Variants in LSM11 observed in about 807,000 individuals in gnomAD.
The protein encoded by LSM11 is LSM11, U7 small nuclear RNA associated.
LSM11 carries 14 observed loss-of-function variants against 28.1 expected under a neutral mutation model. That is an observed-to-expected ratio of 0.50 (90% CI 0.33 to 0.78). LSM11 has a LOEUF of 0.78. LSM11 is among the 30% of genes least tolerant of loss of function. LSM11 has a pLI of 0.02. For missense variants in LSM11, 495 were observed against 510.6 expected, an observed-to-expected ratio of 0.97 and a Z score of 0.30; for synonymous variants, 207 against 214.2, an observed-to-expected ratio of 0.97 and a Z score of 0.30.
At position 157,755,398 on chromosome 5, in the gene LSM11, T is replaced by C; in HGVS notation, c.*134T>C. ...TGCATATGCAGAGGACGGAGCAGGC[T>C]CAGCCCCCTGGAAGATGAGCTCAAG... is the stretch of plus-strand genomic sequence containing the variant. On this transcript the variant is annotated 3_prime_UTR_variant, in exon 4 of 4. Transcript: ENST00000286307. The C allele has an allele frequency of 2.0e-6, 2 of 1,012,588 alleles. No individual in the cohort carries two copies. Among genetic ancestry groups the C allele is most frequent in the South Asian group, 1.7e-5 (1 of 59,562 alleles). The allele number at this position is 1,012,588 out of a possible 1,614,324, so 62.7% of individuals were successfully genotyped here.
intron 1 of LSM11, among the ~76,000 whole-genome samples, chr5:157,751,073 C>T (rs1302643841): frequency 3.3e-5 from 5 of 152,162 alleles, no homozygotes; most frequent in Admixed American, 6.5e-5. Flanking sequence ...TGAGCCACCA[C>T]GCCCGGCCAA....
rs1488202004 is a variant in LSM11, at chr5:157,758,828, A to G, written c.*3564A>G. 1 of 152,246 alleles carries G rather than the reference A, an allele frequency of 6.6e-6. No homozygotes were observed. Among genetic ancestry groups the G allele is most frequent in the South Asian group, 2.1e-4 (1 of 4,830 alleles). 9.4% of individuals were successfully genotyped at this position (152,246 alleles called of 1,614,324 possible). ...TAGTTGGTGAGGTCTTCTCAAAAGT[A>G]TCTACCTTTGTTAGATAATAACAAG... On this transcript the variant is annotated 3_prime_UTR_variant, in exon 4 of 4. Transcript: ENST00000286307.
rs1761330639 is a variant in LSM11, at chr5:157,756,499, G to GA, written c.*1235_*1236insA. On this transcript the variant is annotated 3_prime_UTR_variant, in exon 4 of 4. Coordinates refer to ENST00000286307, the MANE Select transcript of LSM11 (RefSeq NM_173491.4). ...TTATCTGAGATAACTTATGTTCAAG[G>GA]TGAGAATAAGAAATAGCCAACTAGT... is the stretch of plus-strand genomic sequence containing the variant. 6.6e-6 allele frequency: 1 copy of GA among 152,494 alleles called. No individual in the cohort carries two copies. The allele number at this position is 152,494 out of a possible 1,614,324, so 9.4% of individuals were successfully genotyped here. A position where few individuals can be genotyped will look rare whatever the true frequency, so the allele number is the denominator to read the frequency against.
At chr5:157,746,589 G>A (rs1252366774) in intron 1 of LSM11, among the ~76,000 whole-genome samples, 1 of 152,188 alleles carries the variant, frequency 6.6e-6, no homozygotes, top group African/African-American at 2.4e-5. Flanking sequence ...TTGTGGAGCA[G>A]TTGTATTCTT....
At position 157,754,936 on chromosome 5, in the gene LSM11, G is replaced by C. The variant is rs749102100; in HGVS notation, c.755G>C (p.Arg252Thr). The C allele has an allele frequency of 2.5e-6, 4 of 1,613,922 alleles. No individual in the cohort carries two copies. The South Asian group carries it at 3.3e-5, about 13-fold the overall frequency. The change falls in exon 4 of 4, where the codon AGA becomes ACA. Residue 252 changes from arginine (R) to threonine (T), a missense_variant. Physicochemically the swap from Arg to Thr is moderately conservative, Grantham distance 71 (BLOSUM62 -1). Coordinates refer to ENST00000286307, the MANE Select transcript of LSM11 (RefSeq NM_173491.4). Reference protein sequence around the residue: ...KSAVEDSTLSRYSQTSTWKLA... With the variant: ...KSAVEDSTLSTYSQTSTWKLA... ...GCAGTTGAAGATTCCACTCTGTCTA[G>C]ATACTCACAGACATCCACTTGGAAG...
chr5:157,744,049 C>G lies in LSM11; in HGVS notation c.299C>G (p.Pro100Arg). 1 of 1,435,956 alleles carries G rather than the reference C, an allele frequency of 7.0e-7. No individual in the cohort carries two copies. Among genetic ancestry groups the G allele is most frequent in the Non-Finnish European group, 9.1e-7 (1 of 1,094,184 alleles). The allele number at this position is 1,435,956 out of a possible 1,614,324, so 89.0% of individuals were successfully genotyped here. Residue 100 changes from proline (P) to arginine (R), a missense_variant, in exon 1 of 4, where the codon CCG becomes CGG. Physicochemically the swap from Pro to Arg is moderately radical, Grantham distance 103. Transcript: ENST00000286307. ...PGPSGRTRRR[P>R]DAPAPDPERI... Reference sequence around the variant, plus strand: ...CCCTCGGGCAGGACTCGTCGCCGCCCGGACGCGCCCGCCCCGGACCCCGAG... The same window carrying G: ...CCCTCGGGCAGGACTCGTCGCCGCCGGGACGCGCCCGCCCCGGACCCCGAG...
At chr5:157,752,288 C>T (rs1581451915) in intron 2 of LSM11, among the ~76,000 whole-genome samples, 1 of 151,636 alleles carries the variant, frequency 6.6e-6, no homozygotes, top group Non-Finnish European at 1.5e-5. Flanking sequence ...TGCCACCATG[C>T]CCAGCTGATT....
At chr5:157,754,808 T>C (rs1462523250) in intron 3 of LSM11, 46 bp from the exon 4 acceptor site, 1 of 1,534,362 alleles carries the variant, frequency 6.5e-7, no homozygotes, top group Non-Finnish European at 8.8e-7. Context: ...AAGAGGGTGA[T>C]GAAGGCTAAA....
chr5:157,745,955 T>G (rs926075678), intron 1 of LSM11, among the ~76,000 whole-genome samples: 3 of 152,216 alleles, frequency 2.0e-5, no homozygotes, highest in Non-Finnish European at 2.9e-5. Flanking sequence ...ATCACAAAAC[T>G]ACCTATTGGG....
At chr5:157,745,674 A>G (rs561448198) in intron 1 of LSM11, among the ~76,000 whole-genome samples, 1 of 152,326 alleles carries the variant, frequency 6.6e-6, no homozygotes, top group African/African-American at 2.4e-5. Flanking sequence ...ACTTTACTGT[A>G]ATGGTATGAC....
At chr5:157,749,997 T>C (rs1761205975) in intron 1 of LSM11, among the ~76,000 whole-genome samples, 1 of 152,236 alleles carries the variant, frequency 6.6e-6, no homozygotes, top group Admixed American at 6.5e-5. Context: ...CCAAATACTC[T>C]ATATATCCAG....
chr5:157,744,186 A>T lies in LSM11; in HGVS notation c.436A>T (p.Thr146Ser). The T allele has an allele frequency of 7.5e-7, 1 of 1,325,946 alleles. No homozygotes were observed. The highest frequency in any genetic ancestry group is 9.7e-7 in the Non-Finnish European group (1 of 1,035,522). The allele number at this position is 1,325,946 out of a possible 1,614,324, so 82.1% of individuals were successfully genotyped here. A position where few individuals can be genotyped will look rare whatever the true frequency, so the allele number is the denominator to read the frequency against. Residue 146 changes from threonine (T) to serine (S), a missense_variant, in exon 1 of 4, where the codon ACG (threonine) becomes TCG (serine). By Grantham distance (58) the Thr-to-Ser change is moderately conservative (BLOSUM62 1). Transcript: ENST00000286307. Reference sequence around the variant, plus strand: ...CAGGAAGGCGCCACGCAACGTGCTCACGCGAATGCCCTGTGAGTCCGCGGG... The same window carrying T: ...CAGGAAGGCGCCACGCAACGTGCTCTCGCGAATGCCCTGTGAGTCCGCGGG... The part of the protein sequence containing the change: ...RSRKAPRNVL[T>S]RMPLHEGSPL...
rs183446736 is a variant in LSM11, at chr5:157,760,533, G to A, written c.*5269G>A. 1.7e-4 allele frequency: 26 copies of A among 152,246 alleles called. No homozygotes were observed. The East Asian group carries it at 4.8e-3, about 28-fold the overall frequency. The allele number at this position is 152,246 out of a possible 1,614,324, so 9.4% of individuals were successfully genotyped here. A position where few individuals can be genotyped will look rare whatever the true frequency, so the allele number is the denominator to read the frequency against. On this transcript the variant is annotated 3_prime_UTR_variant, in exon 4 of 4. Coordinates refer to ENST00000286307, the MANE Select transcript of LSM11 (RefSeq NM_173491.4). ...CTATAGTTTCACTGCTCATATACCA[G>A]CTGCTACAAGAAAAACCATGACTTG...
chr5:157,749,578 G>A (rs951512181), intron 1 of LSM11, among the ~76,000 whole-genome samples: 1 of 84,228 alleles, frequency 1.2e-5, no homozygotes, highest in Non-Finnish European at 2.4e-5. Context: ...ATACACGCGC[G>A]CGCACGCGCG....
chr5:157,748,311 G>A (rs943962727), intron 1 of LSM11, among the ~76,000 whole-genome samples: 4 of 152,126 alleles, frequency 2.6e-5, no homozygotes, highest in Non-Finnish European at 4.4e-5. Flanking sequence ...AGATATATAT[G>A]TAGATACAGT....
In LSM11 at chr5:157,749,572, ACG is replaced by A. The variant is rs1185824646; in HGVS notation, c.449-1810_449-1809del. Among the ~76,000 whole-genome samples the A allele has an allele frequency of 7.3e-3, 644 of 88,348 alleles. 2 individuals carry two copies. Among genetic ancestry groups the A allele is most frequent in the African/African-American group, 0.028 (540 of 19,532 alleles). The allele number at this position is 88,348 out of a possible 152,430, so 58.0% of individuals were successfully genotyped here. A position where few individuals can be genotyped will look rare whatever the true frequency, so the allele number is the denominator to read the frequency against. On this transcript the variant is annotated intron_variant, in intron 1 of 3. Transcript: ENST00000286307. The stretch of plus-strand genomic sequence containing the variant: ...TTAATATGGCCTATAACACATATAC[ACG>A]CGCGCGCACGCGCGCACACACACAC...
chr5:157,755,736 AT>A lies in LSM11; in HGVS notation c.*476del, dbSNP rs1267802020. Reference sequence around the variant, plus strand: ...TCCACGTCTTGTAACTAACTTTTGAATTTTGCCTGACATGATTCTCTCTTGA... The same window carrying A: ...TCCACGTCTTGTAACTAACTTTTGAATTTGCCTGACATGATTCTCTCTTGA... On this transcript the variant is annotated 3_prime_UTR_variant, in exon 4 of 4. Transcript: ENST00000286307. 2.5e-5 allele frequency: 10 copies of A among 401,958 alleles called. 1 individual carries two copies. The highest frequency in any genetic ancestry group is 4.4e-5 in the Non-Finnish European group (10 of 228,194). The allele number at this position is 401,958 out of a possible 1,614,324, so 24.9% of individuals were successfully genotyped here.
At chr5:157,747,368 T>C (rs1761163940) in intron 1 of LSM11, 1 of 155,784 alleles carries the variant, frequency 6.4e-6, no homozygotes, top group South Asian at 1.9e-4. Flanking sequence ...GTGTGCAGCC[T>C]GTGCCGGTGT....
chr5:157,748,796 G>A (rs1351267982), intron 1 of LSM11, among the ~76,000 whole-genome samples: 1 of 152,242 alleles, frequency 6.6e-6, no homozygotes, highest in Admixed American at 6.5e-5. Flanking sequence ...TGTAGCAGGA[G>A]AAGGAAGAGT....
Sources: allele counts gnomAD v4.1 joint callset (sites outside exome capture counted in the v4.1 genomes callset), GRCh38; gene constraint gnomAD v4.1.1; transcripts MANE v1.5; gene names NCBI Gene and HGNC (gene_info 2026-07-23, HGNC 2026-07-21).